CGGBP1: variants seen among roughly 807,000 people sequenced by gnomAD.
CGGBP1 encodes the protein CGG triplet repeat-binding protein 1.
CGGBP1 carries 4 observed loss-of-function variants against 11.4 expected under a neutral mutation model. The ratio of observed to expected loss-of-function variants is 0.35; its 90% CI spans 0.17 to 0.80. The LOEUF is 0.80. Among genes scored for constraint, CGGBP1 ranks in the 30% least tolerant of loss-of-function variants. The pLI is 0.52. For synonymous variants in CGGBP1, 76 were observed against 74.1 expected, an observed-to-expected ratio of 1.03 and a Z score of -0.13; for missense variants, 135 against 202.1, an observed-to-expected ratio of 0.67 and a Z score of 2.01.
chr3:88,142,579 G>T (rs1388421771), intron 1 of CGGBP1: 1 of 152,262 alleles, frequency 6.6e-6, no homozygotes, highest in African/African-American at 2.4e-5. Context: ...TTCATAGTAA[G>T]GTCCTTTAGA....
At chr3:88,144,402 T>C (rs1435899069) in intron 1 of CGGBP1, 1 of 152,438 alleles carries the variant, frequency 6.6e-6, no homozygotes, top group Non-Finnish European at 1.5e-5. Flanking sequence ...ATTTATTTGG[T>C]ACTGTAAAAC....
intron 2 of CGGBP1, chr3:88,140,875 T>G (rs775701617): frequency 6.2e-7 from 1 of 1,613,614 alleles, no homozygotes; most frequent in South Asian, 1.1e-5. Context: ...CGCAGAAAAT[T>G]TCTGACTGAT....
intron 2 of CGGBP1, among the ~76,000 whole-genome samples, chr3:88,083,041 C>T (rs1273742361): frequency 6.6e-6 from 1 of 151,774 alleles, no homozygotes; most frequent in African/African-American, 2.4e-5. Flanking sequence ...CACTCCTCCT[C>T]ACTCCTCCTC....
intron 2 of CGGBP1, among the ~76,000 whole-genome samples, chr3:88,072,920 T>C (rs1030305017): frequency 4.6e-5 from 7 of 152,130 alleles, no homozygotes; most frequent in Non-Finnish European, 8.8e-5. Context: ...ATAGAGATAA[T>C]TTGGAAAATT....
At chr3:88,076,214 T>C (rs756947387) in intron 2 of CGGBP1, among the ~76,000 whole-genome samples, 2 of 152,344 alleles carry the variant, frequency 1.3e-5, no homozygotes, top group Non-Finnish European at 2.9e-5. Flanking sequence ...ATTATAGACT[T>C]TCTGCCTTTT....
At chr3:88,072,975 TA>T (rs1347120661) in intron 2 of CGGBP1, among the ~76,000 whole-genome samples, 3 of 9,092 alleles carry the variant, frequency 3.3e-4, no homozygotes, top group Non-Finnish European at 2.0e-3. Flanking sequence ...AAAAAATTGT[TA>T]GTTTTAAAAT....
rs1282917208 is a variant in CGGBP1 at position 88,137,222 on chromosome 3, T to C, written c.-229+3748A>G. ...AAAAAAAAAAAAAAAAAAAAAAGGA[T>C]GTAGATAGAAGTATGGAGAAAGAAA... On this transcript the variant is annotated intron_variant, in intron 2 of 3. Coordinates refer to the CGGBP1 transcript ENST00000462901. 3.1e-5 allele frequency among the ~76,000 whole-genome samples: 4 copies of C among 128,968 alleles called. No individual in the cohort carries two copies. In the East Asian group the frequency reaches 9.0e-4, roughly 29 times the overall value. 84.6% of individuals were successfully genotyped at this position (128,968 alleles called of 152,430 possible).
Position 88,106,842 on chromosome 3 carries a change from A to G in CGGBP1, c.-229+34128T>C, listed in dbSNP as rs193120347. Among the ~76,000 whole-genome samples, 43 of 152,274 alleles carry G rather than the reference A, an allele frequency of 2.8e-4. No individual in the cohort carries two copies. In the East Asian group the frequency reaches 7.1e-3, roughly 25 times the overall value. On this transcript the variant is annotated intron_variant, in intron 2 of 3. Transcript: ENST00000462901. ...CTGATATTTGTCCTGTATAATTTTT[A>G]ACATTTGGCTGTCCAGTATGAAGAA...
At chr3:88,135,321 C>T in intron 2 of CGGBP1, 1 of 769,108 alleles carries the variant, frequency 1.3e-6, no homozygotes, top group Non-Finnish European at 1.9e-6. Flanking sequence ...ATTTTAAGGC[C>T]ACATTCTCCA....
chr3:88,146,906 T>G (rs1272627099), intron 1 of CGGBP1, among the ~76,000 whole-genome samples: 1 of 152,186 alleles, frequency 6.6e-6, no homozygotes, highest in Non-Finnish European at 1.5e-5. Context: ...GACTCTATCA[T>G]GCCCTTCAAG....
intron 2 of CGGBP1, chr3:88,113,178 T>C: frequency 6.5e-7 from 1 of 1,533,596 alleles, no homozygotes; most frequent in Non-Finnish European, 8.7e-7. Context: ...CCTTAAAGGA[T>C]ATTCTTGGAT....
intron 2 of CGGBP1, among the ~76,000 whole-genome samples, chr3:88,077,697 A>G (rs1229549936): frequency 6.6e-6 from 1 of 151,090 alleles, no homozygotes. Flanking sequence ...AATACTTACT[A>G]TTTTTATGTA....
Position 88,141,291 on chromosome 3 carries a change from G to A in CGGBP1, c.-337-213C>T, listed in dbSNP as rs1707114859. Among the ~76,000 whole-genome samples the A allele has an allele frequency of 2.0e-5, 3 of 152,020 alleles. No homozygotes were observed. In the South Asian group the frequency reaches 6.2e-4, roughly 32 times the overall value. On this transcript the variant is annotated intron_variant, in intron 1 of 3. Transcript: ENST00000462901. ...TGCATAGGGCTTTGCCTATGAACTT[G>A]TGCAAGGCAGAACCTGAACACAGGT...
intron 1 of CGGBP1, among the ~76,000 whole-genome samples, chr3:88,149,011 G>T (rs527408173): frequency 6.6e-6 from 1 of 152,118 alleles, no homozygotes; most frequent in African/African-American, 2.4e-5. Context: ...GCTACTAAAT[G>T]GCAATACCCC....
At chr3:88,088,559 G>T (rs1708457288) in intron 2 of CGGBP1, among the ~76,000 whole-genome samples, 1 of 152,138 alleles carries the variant, frequency 6.6e-6, no homozygotes. Flanking sequence ...AAGGTTGGAA[G>T]ATGTAAAGCT....
At chr3:88,105,016 T>G (rs1295116664) in intron 2 of CGGBP1, among the ~76,000 whole-genome samples, 4 of 152,234 alleles carry the variant, frequency 2.6e-5, no homozygotes, top group Non-Finnish European at 5.9e-5. Flanking sequence ...GGCGCGCGCC[T>G]GTAATCCCAG....
chr3:88,086,613 A>G (rs1054297881), intron 2 of CGGBP1, among the ~76,000 whole-genome samples: 1 of 152,204 alleles, frequency 6.6e-6, no homozygotes, highest in African/African-American at 2.4e-5. Flanking sequence ...ATTTTGATAT[A>G]CAGATTCTTC....
chr3:88,141,020 A>T, exon 2 of CGGBP1: 1 of 1,606,930 alleles, frequency 6.2e-7, no homozygotes, highest in Non-Finnish European at 8.5e-7. Flanking sequence ...AATGTCAGAC[A>T]CTCTTTGGAT....
intron 1 of CGGBP1, chr3:88,143,878 A>G (rs1226335422): frequency 6.6e-6 from 1 of 151,948 alleles, no homozygotes; most frequent in African/African-American, 2.4e-5. Context: ...TCATTTTATT[A>G]CATCTGTCTT....
Sources: gnomAD v4.1 joint callset for allele counts (sites outside exome capture counted in the v4.1 genomes callset) on GRCh38, gnomAD v4.1.1 for gene constraint, MANE v1.5 for transcripts, NCBI Gene and HGNC (gene_info 2026-07-23, HGNC 2026-07-21) for gene names.